The following ZNF727 variants were observed in gnomAD, a reference collection of about 807,000 sequenced individuals.
ZNF727 encodes zinc finger protein 727.
A neutral mutation model predicts 11.5 loss-of-function variants in ZNF727; 11 were observed. The ratio of observed to expected loss-of-function variants is 0.95; its 90% CI spans 0.60 to 1.58. The LOEUF is 1.58. Among genes scored for constraint, ZNF727 ranks in the 40% most tolerant of loss-of-function variants. The pLI is 0.00. For missense variants in ZNF727, 533 were observed against 581.7 expected, an observed-to-expected ratio of 0.92 and a Z score of 0.86; for synonymous variants, 171 against 196.1, an observed-to-expected ratio of 0.87 and a Z score of 1.07.
chr7:64,051,578 GT>G (rs1393155544), intron 1 of ZNF727, among the ~76,000 whole-genome samples: 2 of 152,124 alleles, frequency 1.3e-5, no homozygotes, highest in Non-Finnish European at 2.9e-5. Flanking sequence ...TGTGGGTAAT[GT>G]TTTTTGCCTA....
rs1268618118 is a variant in ZNF727, at chr7:64,084,753, T to C, written c.*6204T>C. Among the ~76,000 whole-genome samples the C allele has an allele frequency of 6.6e-6, 1 of 152,184 alleles. No homozygotes were observed. Among genetic ancestry groups the C allele is most frequent in the Non-Finnish European group, 1.5e-5 (1 of 68,004 alleles). On this transcript the variant is annotated 3_prime_UTR_variant, in exon 4 of 4. Transcript: ENST00000456806. ...GACCTTTAGTTTTGATTTACATCAA[T>C]TTAAATATACAAATGTATCACTGTA...
chr7:64,052,378 C>CTCTTT (rs1562790208), intron 1 of ZNF727, among the ~76,000 whole-genome samples: 3 of 130,404 alleles, frequency 2.3e-5, no homozygotes, highest in Non-Finnish European at 4.9e-5. Flanking sequence ...ATTTCTCTCT[C>CTCTTT]TTTTTTTTTT....
At chr7:64,072,556 A>T (rs1044448424) in intron 3 of ZNF727, among the ~76,000 whole-genome samples, 2 of 152,024 alleles carry the variant, frequency 1.3e-5, no homozygotes, top group African/African-American at 4.8e-5. Context: ...GAGTCACTGA[A>T]CTGTTTCAGA....
Position 64,081,858 on chromosome 7 carries a change from C to G in ZNF727, c.*3309C>G, listed in dbSNP as rs1475830623. Among the ~76,000 whole-genome samples the G allele has an allele frequency of 6.6e-6, 1 of 152,124 alleles. No individual in the cohort carries two copies. The highest frequency in any genetic ancestry group is 2.4e-5 in the African/African-American group (1 of 41,424). The stretch of plus-strand genomic sequence containing the variant: ...TACTACAGGTGCTCTTGCACTAAAC[C>G]CTCTGGGTACCACATGAGCTGGGTT... On this transcript the variant is annotated 3_prime_UTR_variant, in exon 4 of 4. Transcript: ENST00000456806.
intron 1 of ZNF727, among the ~76,000 whole-genome samples, chr7:64,054,384 A>C (rs1383894323): frequency 6.6e-6 from 1 of 152,168 alleles, no homozygotes; most frequent in Admixed American, 6.5e-5. Context: ...TCTTTACGAT[A>C]TGCTATGACC....
chr7:64,053,846 T>C (rs1314727073), intron 1 of ZNF727, among the ~76,000 whole-genome samples: 1 of 151,954 alleles, frequency 6.6e-6, no homozygotes, highest in Non-Finnish European at 1.5e-5. Flanking sequence ...ATACACGGAG[T>C]GGGCGGGACA....
intron 1 of ZNF727, among the ~76,000 whole-genome samples, chr7:64,046,762 C>A (rs867636287): frequency 7.2e-5 from 11 of 152,158 alleles, no homozygotes; most frequent in Non-Finnish European, 1.5e-4. Flanking sequence ...GCACAAACAG[C>A]AATTTATGAA....
intron 1 of ZNF727, among the ~76,000 whole-genome samples, chr7:64,052,565 G>T (rs1371801555): frequency 4.6e-5 from 7 of 152,032 alleles, no homozygotes; most frequent in Admixed American, 4.6e-4. Context: ...TGGGGTCAGA[G>T]CCCCCACACA....
rs1432085186 is a variant in ZNF727 at position 64,078,887 on chromosome 7, A to G, written c.*338A>G. Among the ~76,000 whole-genome samples, 1 of 152,070 alleles carries G rather than the reference A, an allele frequency of 6.6e-6. No homozygotes were observed. The highest frequency in any genetic ancestry group is 2.1e-4 in the South Asian group (1 of 4,832). On this transcript the variant is annotated 3_prime_UTR_variant, in exon 4 of 4. Transcript: ENST00000456806. ...CCTTGCTAAACATAAGATAATTCAT[A>G]TTGGAGAGAAACCCTACAAATGTAA...
At chr7:64,074,547 TGAGATTTGGTC>T (rs1467020388) in intron 3 of ZNF727, among the ~76,000 whole-genome samples, 1 of 152,098 alleles carries the variant, frequency 6.6e-6, no homozygotes, top group Non-Finnish European at 1.5e-5. Context: ...GGGGAGACAT[TGAGATTTGGTC>T]GAGATTTGAG....
rs1252739030 is a variant in ZNF727 at position 64,084,356 on chromosome 7, T to C, written c.*5807T>C. 6.6e-6 allele frequency among the ~76,000 whole-genome samples: 1 copy of C among 152,224 alleles called. No homozygotes were observed. Among genetic ancestry groups the C allele is most frequent in the Non-Finnish European group, 1.5e-5 (1 of 68,028 alleles). On this transcript the variant is annotated 3_prime_UTR_variant, in exon 4 of 4. Transcript: ENST00000456806. ...AATGTATGAACTTAATTTATTTTAA[T>C]AAACCAAAATTATTGTTATTGAGTT...
chr7:64,048,037 C>G (rs1444060833), intron 1 of ZNF727, among the ~76,000 whole-genome samples: 2 of 152,206 alleles, frequency 1.3e-5, no homozygotes, highest in Non-Finnish European at 2.9e-5. Flanking sequence ...GGGAGAATCT[C>G]TCAAGTGATT....
intron 1 of ZNF727, among the ~76,000 whole-genome samples, chr7:64,050,712 T>C (rs1449427637): frequency 1.3e-5 from 2 of 152,004 alleles, no homozygotes; most frequent in Non-Finnish European, 2.9e-5. Flanking sequence ...AAAGACCTTA[T>C]ATGAAAAAAC....
rs566843568 is a variant in ZNF727, at chr7:64,077,695, A to T, written c.646A>T (p.Thr216Ser). Residue 216 changes from threonine (T) to serine (S), a missense_variant, in exon 4 of 4, where the codon ACT becomes TCT. By Grantham distance (58) the Thr-to-Ser change is moderately conservative. Transcript: ENST00000456806. ...GKACKKFSNLTEHNRVHTGKK... is the reference protein window; with the variant it reads ...GKACKKFSNLSEHNRVHTGKK... ...AGCCTGTAAAAAGTTCTCAAACCTT[A>T]CTGAACATAATAGAGTTCATACTGG... 2.1e-4 allele frequency: 323 copies of T among 1,571,182 alleles called. No homozygotes were observed. Among genetic ancestry groups the T allele is most frequent in the Admixed American group, 3.8e-4 (20 of 53,210 alleles).
rs1785754281 is a variant in ZNF727 at position 64,079,797 on chromosome 7, A to G, written c.*1248A>G. Among the ~76,000 whole-genome samples, 1 of 152,100 alleles carries G rather than the reference A, an allele frequency of 6.6e-6. No individual in the cohort carries two copies. The highest frequency in any genetic ancestry group is 2.4e-5 in the African/African-American group (1 of 41,422). On this transcript the variant is annotated 3_prime_UTR_variant, in exon 4 of 4. Coordinates refer to ENST00000456806, the MANE Select transcript of ZNF727 (RefSeq NM_001159522.3). ...TAGTGTGTTTTTGTAGTGACTGTTT[A>G]TAGTCTTTTTCTTATTTAGGGCTTT...
intron 1 of ZNF727, among the ~76,000 whole-genome samples, chr7:64,058,190 A>G (rs1442789392): frequency 1.3e-5 from 2 of 152,160 alleles, no homozygotes; most frequent in African/African-American, 2.4e-5. Context: ...CAGGTGTCTC[A>G]GAAAAGGGAG....
intron 3 of ZNF727, among the ~76,000 whole-genome samples, chr7:64,074,461 A>T (rs1457592390): frequency 6.6e-6 from 1 of 152,148 alleles, no homozygotes; most frequent in Non-Finnish European, 1.5e-5. Context: ...ATTTGTGCAG[A>T]TTTTTGGAGA....
chr7:64,061,478 A>G lies in ZNF727; in HGVS notation c.4-7413A>G, dbSNP rs572567325. Among the ~76,000 whole-genome samples the G allele has an allele frequency of 7.2e-5, 11 of 151,740 alleles. No individual in the cohort carries two copies. In the Middle Eastern group the frequency reaches 0.01, roughly 141 times the overall value. ...TTTCTTGAAATCTGTTTGGTTTAAT[A>G]TAAGTATAGCTATCCCTGCTCTTTT... On this transcript the variant is annotated intron_variant, in intron 1 of 3. Coordinates refer to ENST00000456806, the MANE Select transcript of ZNF727 (RefSeq NM_001159522.3).
chr7:64,074,520 C>T (rs765627930), intron 3 of ZNF727, among the ~76,000 whole-genome samples: 1 of 152,098 alleles, frequency 6.6e-6, no homozygotes, highest in Non-Finnish European at 1.5e-5. Flanking sequence ...TTATGTTAGA[C>T]ATCTGTGAGA....
Sources: gnomAD v4.1 joint callset for allele counts (sites outside exome capture counted in the v4.1 genomes callset) on GRCh38, gnomAD v4.1.1 for gene constraint, MANE v1.5 for transcripts, NCBI Gene and HGNC (gene_info 2026-07-23, HGNC 2026-07-21) for gene names.